XRCC4: variants seen among roughly 807,000 people sequenced by gnomAD.
XRCC4 encodes DNA repair protein XRCC4.
Under a neutral mutation model 39.1 loss-of-function variants are expected in XRCC4, and 28 were observed. The ratio of observed to expected loss-of-function variants is 0.72; its 90% CI spans 0.53 to 0.98. XRCC4 has a LOEUF of 0.98. XRCC4 is among the 50% of genes least tolerant of loss of function. The probability of loss-of-function intolerance (pLI) is 0.00; values close to 1 mark genes in which losing one functional copy is unlikely to be tolerated. For synonymous variants in XRCC4, 123 were observed against 126.4 expected (o/e 0.97, Z 0.18); for missense variants, 350 against 376.4 (o/e 0.93, Z 0.58).
chr5:83,143,564 G>A (rs548784593), intron 3 of XRCC4, among the ~76,000 whole-genome samples: 28 of 152,096 alleles, frequency 1.8e-4, no homozygotes, highest in African/African-American at 6.5e-4. Flanking sequence ...CCATATTTCT[G>A]TCTGGTATCA....
At chr5:83,150,246 A>C (rs549011169) in intron 3 of XRCC4, among the ~76,000 whole-genome samples, 1 of 152,176 alleles carries the variant, frequency 6.6e-6, no homozygotes, top group South Asian at 2.1e-4. Flanking sequence ...ATTTTTGAGA[A>C]TATAAGAAAT....
intron 4 of XRCC4, among the ~76,000 whole-genome samples, chr5:83,200,910 G>T (rs1324014494): frequency 6.6e-6 from 1 of 152,082 alleles, no homozygotes; most frequent in Non-Finnish European, 1.5e-5. Flanking sequence ...AAATATAAAT[G>T]TAGTGACATG....
intron 3 of XRCC4, among the ~76,000 whole-genome samples, chr5:83,181,066 TGCGAA>T (rs1750182289): frequency 3.1e-3 from 471 of 151,228 alleles, no homozygotes; most frequent in African/African-American, 0.011. Context: ...TTTTTTTTTT[TGCGAA>T]TTCTATTTAT....
At chr5:83,294,009 CTT>C (rs1755011958) in intron 7 of XRCC4, among the ~76,000 whole-genome samples, 1 of 151,732 alleles carries the variant, frequency 6.6e-6, no homozygotes, top group Non-Finnish European at 1.5e-5. Context: ...TTTAAAATCT[CTT>C]TTCCAAAATG....
At chr5:83,233,491 C>A (rs1043836702) in intron 6 of XRCC4, among the ~76,000 whole-genome samples, 9 of 152,114 alleles carry the variant, frequency 5.9e-5, no homozygotes, top group African/African-American at 2.2e-4. Flanking sequence ...TACTGTTTGC[C>A]TTATTGGGGG....
At chr5:83,287,722 T>C (rs1754784268) in intron 7 of XRCC4, among the ~76,000 whole-genome samples, 1 of 151,960 alleles carries the variant, frequency 6.6e-6, no homozygotes, top group African/African-American at 2.4e-5. Context: ...GCATGTCATA[T>C]ATTCATCTTT....
chr5:83,230,702 T>C (rs946267874), intron 6 of XRCC4, among the ~76,000 whole-genome samples: 1 of 151,970 alleles, frequency 6.6e-6, no homozygotes, highest in African/African-American at 2.4e-5. Context: ...CTAGGTCCCT[T>C]GGCAACTCAG....
intron 3 of XRCC4, among the ~76,000 whole-genome samples, chr5:83,156,108 T>TACTCTAA (rs1748947558): frequency 6.6e-6 from 1 of 152,108 alleles, no homozygotes; most frequent in Admixed American, 6.6e-5. Context: ...GCTACCACCC[T>TACTCTAA]GTTTGAATAT....
intron 7 of XRCC4, among the ~76,000 whole-genome samples, chr5:83,282,194 C>T (rs1754566343): frequency 6.6e-6 from 1 of 152,068 alleles, no homozygotes; most frequent in Non-Finnish European, 1.5e-5. Flanking sequence ...GAGACAATGT[C>T]GAAGTTGCTT....
At chr5:83,252,480 G>A (rs1419375739) in intron 6 of XRCC4, among the ~76,000 whole-genome samples, 1 of 151,538 alleles carries the variant, frequency 6.6e-6, no homozygotes, top group Non-Finnish European at 1.5e-5. Context: ...TTGTCTGTGA[G>A]AAGATATAGA....
intron 6 of XRCC4, among the ~76,000 whole-genome samples, chr5:83,234,291 A>G (rs1392513309): frequency 1.3e-5 from 2 of 152,220 alleles, no homozygotes; most frequent in African/African-American, 4.8e-5. Context: ...AAGGAATTAT[A>G]TAAGTGGCTT....
At chr5:83,236,434 A>G (rs1752692951) in intron 6 of XRCC4, among the ~76,000 whole-genome samples, 1 of 152,166 alleles carries the variant, frequency 6.6e-6, no homozygotes, top group Non-Finnish European at 1.5e-5. Flanking sequence ...CAGTGAACTC[A>G]TGTTTGAAAA....
intron 6 of XRCC4, among the ~76,000 whole-genome samples, chr5:83,239,027 C>G (rs1270824131): frequency 6.6e-6 from 1 of 152,190 alleles, no homozygotes; most frequent in Non-Finnish European, 1.5e-5. Flanking sequence ...TCTAATGATT[C>G]TGTTCTCACA....
At chr5:83,226,979 A>G (rs941577700) in intron 6 of XRCC4, among the ~76,000 whole-genome samples, 1 of 152,034 alleles carries the variant, frequency 6.6e-6, no homozygotes, top group African/African-American at 2.4e-5. Context: ...TTACATGTAT[A>G]TTAGACTTTT....
At chr5:83,180,715 G>A (rs891772623) in intron 3 of XRCC4, among the ~76,000 whole-genome samples, 1 of 152,032 alleles carries the variant, frequency 6.6e-6, no homozygotes, top group African/African-American at 2.4e-5. Flanking sequence ...AAAATATTTG[G>A]CTGGACACCA....
At chr5:83,235,361 A>AG (rs1267956772) in intron 6 of XRCC4, among the ~76,000 whole-genome samples, 2 of 150,142 alleles carry the variant, frequency 1.3e-5, no homozygotes, top group East Asian at 1.9e-4. Context: ...AAAGAAAGAA[A>AG]GGAAAAAAAA....
intron 1 of XRCC4, among the ~76,000 whole-genome samples, chr5:83,098,671 C>CA (rs1011382473): frequency 9.2e-4 from 133 of 144,750 alleles, no homozygotes; most frequent in African/African-American, 2.0e-3. Context: ...GTAGTTTTTT[C>CA]AAAAAAAAAA....
At position 83,263,743 on chromosome 5, in the gene XRCC4, T is replaced by C. The variant is rs531302887; in HGVS notation, c.893+5066T>C. On this transcript the variant is annotated intron_variant, in intron 7 of 7. Transcript: ENST00000396027. ...TGAGTTCATTGTAGATTCTAGATAT[T>C]AGCCCTTTGTCAGATGAGTAGGTTG... Among the ~76,000 whole-genome samples, 879 of 151,844 alleles carry C rather than the reference T, an allele frequency of 5.8e-3. 7 individuals carry two copies. The highest frequency in any genetic ancestry group is 0.02 in the African/African-American group (844 of 41,362).
At chr5:83,200,574 A>G (rs1237602129) in intron 4 of XRCC4, among the ~76,000 whole-genome samples, 1 of 146,654 alleles carries the variant, frequency 6.8e-6, no homozygotes, top group Non-Finnish European at 1.5e-5. Context: ...GTTAATTTTA[A>G]TAAAGGTTTG....
Sources: gnomAD v4.1 joint callset for allele counts (sites outside exome capture counted in the v4.1 genomes callset) on GRCh38, gnomAD v4.1.1 for gene constraint, MANE v1.5 for transcripts, NCBI Gene and HGNC (gene_info 2026-07-23, HGNC 2026-07-21) for gene names.